The following AFF3 variants were observed in gnomAD, a reference collection of about 807,000 sequenced individuals.
AFF3 encodes the protein ALF transcription elongation factor 3.
A neutral mutation model predicts 129.7 loss-of-function variants in AFF3; 32 were observed. The ratio of observed to expected loss-of-function variants is 0.25; its 90% CI spans 0.19 to 0.33. The LOEUF (loss-of-function observed/expected upper bound fraction) is 0.33. Ranked by LOEUF, AFF3 falls within the 10% of genes least tolerant of loss-of-function variation. AFF3 has a pLI of 1.00. For synonymous variants in AFF3, 644 were observed against 635.4 expected (o/e 1.01, Z -0.20); for missense variants, 1,373 against 1,592.0 (o/e 0.86, Z 2.34).
chr2:100,115,731 CTA>C (rs1691710224), intron 2 of AFF3, among the ~76,000 whole-genome samples: 1 of 152,022 alleles, frequency 6.6e-6, no homozygotes, highest in African/African-American at 2.4e-5. Flanking sequence ...CCAGTATTTC[CTA>C]TGTTTCCACT....
At chr2:99,655,331 A>G (rs1685656365) in intron 12 of AFF3, among the ~76,000 whole-genome samples, 1 of 152,066 alleles carries the variant, frequency 6.6e-6, no homozygotes, top group African/African-American at 2.4e-5. Context: ...CTAATGAAGG[A>G]AACCTTGTTT....
chr2:99,976,460 A>T lies in AFF3; in HGVS notation c.873+30172T>A, dbSNP rs868743684. On this transcript the variant is annotated intron_variant, in intron 7 of 24. Coordinates refer to ENST00000672756, the MANE Select transcript of AFF3 (RefSeq NM_001386135.1). The stretch of plus-strand genomic sequence containing the variant: ...GAAAAAGGTTCGTAGCATTTATCAG[A>T]TTTTCAACTGGATCTATAACTCTTC... Among the ~76,000 whole-genome samples, 13 of 152,302 alleles carry T rather than the reference A, an allele frequency of 8.5e-5. 1 individual carries two copies. The highest frequency in any genetic ancestry group is 2.0e-4 in the Admixed American group (3 of 15,302).
intron 2 of AFF3, chr2:100,106,159 C>T: frequency 8.2e-7 from 1 of 1,219,330 alleles, no homozygotes; most frequent in Middle Eastern, 2.5e-4. Context: ...CCTTCTTCCC[C>T]CAGCTCTGAA....
intron 4 of AFF3, among the ~76,000 whole-genome samples, chr2:100,072,564 T>C (rs535575739): frequency 1.3e-5 from 2 of 152,232 alleles, no homozygotes; most frequent in African/African-American, 4.8e-5. Flanking sequence ...GGCTATACCA[T>C]GAGCTAGCTG....
chr2:100,114,901 C>A (rs1448528715), intron 2 of AFF3, among the ~76,000 whole-genome samples: 2 of 152,204 alleles, frequency 1.3e-5, no homozygotes, highest in African/African-American at 4.8e-5. Context: ...GAAGACAATT[C>A]AAGCCATGCA....
intron 7 of AFF3, among the ~76,000 whole-genome samples, chr2:99,991,821 T>G (rs1164228315): frequency 6.6e-6 from 1 of 151,894 alleles, no homozygotes; most frequent in Non-Finnish European, 1.5e-5. Flanking sequence ...GAGAATTGCT[T>G]GAACCTGGGA....
intron 7 of AFF3, among the ~76,000 whole-genome samples, chr2:99,946,473 T>TAAAAAAAAAAAAA (rs55672296): frequency 3.6e-4 from 18 of 50,484 alleles, no homozygotes; most frequent in Non-Finnish European, 4.1e-4. Context: ...GACGCCATCT[T>TAAAAAAAAAAAAA]AAAAAAAAAA....
chr2:99,902,413 A>G (rs1372671230), intron 7 of AFF3, among the ~76,000 whole-genome samples: 2 of 152,114 alleles, frequency 1.3e-5, no homozygotes, highest in Non-Finnish European at 2.9e-5. Flanking sequence ...ACACAAACAC[A>G]CACCGCGCAC....
At chr2:99,572,935 C>T (rs1676640924) in intron 18 of AFF3, among the ~76,000 whole-genome samples, 1 of 152,164 alleles carries the variant, frequency 6.6e-6, no homozygotes, top group African/African-American at 2.4e-5. Context: ...CTCAGAGTCC[C>T]TGGAACCGGG....
intron 18 of AFF3, among the ~76,000 whole-genome samples, chr2:99,570,107 T>C (rs1162438900): frequency 6.6e-6 from 1 of 152,154 alleles, no homozygotes; most frequent in African/African-American, 2.4e-5. Context: ...CGTCCATTCA[T>C]TGTGGTGGGT....
chr2:100,083,869 T>C (rs1689219969), intron 4 of AFF3, among the ~76,000 whole-genome samples: 1 of 151,988 alleles, frequency 6.6e-6, no homozygotes, highest in Non-Finnish European at 1.5e-5. Context: ...GTGAGCCAGC[T>C]CCAGGGACCA....
intron 7 of AFF3, among the ~76,000 whole-genome samples, chr2:99,934,850 T>C (rs947303408): frequency 7.2e-5 from 11 of 152,310 alleles, no homozygotes; most frequent in African/African-American, 2.6e-4. Flanking sequence ...TCTCCTGCCA[T>C]GCAGAAAACT....
At chr2:99,841,575 C>G (rs567671151) in intron 7 of AFF3, among the ~76,000 whole-genome samples, 1 of 152,264 alleles carries the variant, frequency 6.6e-6, no homozygotes, top group South Asian at 2.1e-4. Flanking sequence ...TCTGGGGACT[C>G]AAGAAGAGTA....
intron 4 of AFF3, among the ~76,000 whole-genome samples, chr2:100,037,383 TG>T (rs1685005035): frequency 1.4e-5 from 2 of 142,360 alleles, no homozygotes; most frequent in Admixed American, 7.5e-5. Flanking sequence ...CATACATGTA[TG>T]GGGGGTATAT....
At chr2:100,131,935 A>C (rs1692443166) in intron 1 of AFF3, among the ~76,000 whole-genome samples, 1 of 152,192 alleles carries the variant, frequency 6.6e-6, no homozygotes, top group Non-Finnish European at 1.5e-5. Flanking sequence ...CTCAGCCAGG[A>C]CATAAAGGAG....
intron 11 of AFF3, among the ~76,000 whole-genome samples, chr2:99,709,016 A>C (rs1293925287): frequency 6.6e-6 from 1 of 152,224 alleles, no homozygotes; most frequent in African/African-American, 2.4e-5. Flanking sequence ...AGGAAGAGAA[A>C]CAGAAGGGGG....
intron 4 of AFF3, among the ~76,000 whole-genome samples, chr2:100,023,586 C>T (rs965847378): frequency 7.9e-5 from 12 of 152,082 alleles, no homozygotes; most frequent in Non-Finnish European, 1.0e-4. Flanking sequence ...TATCACTGAA[C>T]GCATAGTTTC....
intron 7 of AFF3, among the ~76,000 whole-genome samples, chr2:100,000,991 C>T (rs1681351413): frequency 1.3e-5 from 2 of 152,218 alleles, no homozygotes; most frequent in Admixed American, 6.5e-5. Context: ...CGGGATCACA[C>T]ATCACTTTCA....
intron 7 of AFF3, among the ~76,000 whole-genome samples, chr2:99,987,135 A>T (rs1679945239): frequency 6.6e-6 from 1 of 152,238 alleles, no homozygotes; most frequent in South Asian, 2.1e-4. Flanking sequence ...TTCCCCTAAA[A>T]GGAGGGTCTC....
Sources: gnomAD v4.1 joint callset for allele counts (sites outside exome capture counted in the v4.1 genomes callset) on GRCh38, gnomAD v4.1.1 for gene constraint, MANE v1.5 for transcripts, NCBI Gene and HGNC (gene_info 2026-07-23, HGNC 2026-07-21) for gene names.